Variants in STARD13 observed in about 807,000 individuals in gnomAD.
The protein encoded by STARD13 is stAR-related lipid transfer protein 13.
In STARD13, 62 loss-of-function variants were observed where a neutral mutation model predicts 106.4. The observed-to-expected ratio is 0.58, with a 90% CI of 0.48 to 0.72. The LOEUF (loss-of-function observed/expected upper bound fraction) is 0.72. Among genes scored for constraint, STARD13 ranks in the 30% least tolerant of loss-of-function variants. The probability of loss-of-function intolerance (pLI) is 0.00; values close to 1 mark genes in which losing one functional copy is unlikely to be tolerated. For synonymous variants in STARD13, 565 were observed against 553.0 expected, an observed-to-expected ratio of 1.02 and a Z score of -0.31; for missense variants, 1,387 against 1,424.0, an observed-to-expected ratio of 0.97 and a Z score of 0.42.
the STARD13 span, among the ~76,000 whole-genome samples, chr13:33,499,521 TCTTCTTC>T: frequency 2.0e-4 from 10 of 48,996 alleles, no homozygotes; most frequent in African/African-American, 6.7e-4. Context: ...CTTCTTTCTT[TCTTCTTC>T]TTCTTCTTCT....
the STARD13 span, among the ~76,000 whole-genome samples, chr13:33,378,938 C>T: frequency 4.0e-5 from 6 of 151,764 alleles, no homozygotes; most frequent in African/African-American, 9.7e-5. Context: ...GGTGGAGCCC[C>T]GTCTCTACCA....
chr13:33,610,856 C>G, the STARD13 span: 1 of 152,460 alleles, frequency 6.6e-6, no homozygotes, highest in Non-Finnish European at 1.5e-5. Context: ...GCTCACGTCC[C>G]CTAATCCGCT....
chr13:33,261,387 A>G (rs552647205), intron 1 of STARD13, among the ~76,000 whole-genome samples: 3 of 152,252 alleles, frequency 2.0e-5, no homozygotes, highest in Non-Finnish European at 4.4e-5. Flanking sequence ...GAGAGTAACT[A>G]CAAAAATTCC....
At chr13:33,337,221 C>T (rs190457560) in intron 1 of STARD13, among the ~76,000 whole-genome samples, 73 of 152,242 alleles carry the variant, frequency 4.8e-4, no homozygotes, top group Middle Eastern at 3.4e-3. Context: ...TACTACCTCT[C>T]CTAATTTCCT....
At chr13:33,651,665 A>C in the STARD13 span, among the ~76,000 whole-genome samples, 4 of 152,230 alleles carry the variant, frequency 2.6e-5, no homozygotes, top group Non-Finnish European at 5.9e-5. Flanking sequence ...ATAGCTGTAA[A>C]TTCCTTGGTG....
the STARD13 span, among the ~76,000 whole-genome samples, chr13:33,368,778 G>A: frequency 6.6e-6 from 1 of 152,138 alleles, no homozygotes; most frequent in South Asian, 2.1e-4. Flanking sequence ...ACCCTCCTCC[G>A]AGCAGCACTC....
At chr13:33,430,595 A>G in the STARD13 span, among the ~76,000 whole-genome samples, 2 of 152,232 alleles carry the variant, frequency 1.3e-5, no homozygotes, top group Non-Finnish European at 2.9e-5. Context: ...AAGAATGGAA[A>G]TCAATATGTT....
At chr13:33,522,232 T>G in the STARD13 span, among the ~76,000 whole-genome samples, 19 of 152,032 alleles carry the variant, frequency 1.2e-4, no homozygotes, top group Admixed American at 1.1e-3. Flanking sequence ...TAGAGCAGTT[T>G]TAGGTTCACA....
rs180860114 is a variant in STARD13 at position 33,154,873 on chromosome 13, G to A, written c.323+10464C>T. 3.3e-3 allele frequency among the ~76,000 whole-genome samples: 509 copies of A among 152,272 alleles called. 3 individuals are homozygous for A. The highest frequency in any genetic ancestry group is 0.011 in the African/African-American group (477 of 41,544). On this transcript the variant is annotated intron_variant, in intron 3 of 13. Coordinates refer to ENST00000336934, the MANE Select transcript of STARD13 (RefSeq NM_178006.4). ...TGAAGGCTGAGCAAAGCAGCCGCGC[G>A]GGAACCGGCTGCTCAGGAGCCCACC...
chr13:33,532,864 C>A, the STARD13 span, among the ~76,000 whole-genome samples: 1 of 152,066 alleles, frequency 6.6e-6, no homozygotes, highest in Non-Finnish European at 1.5e-5. Context: ...TATTTCCACA[C>A]AAAACTGGGT....
rs1555262039 is a variant in STARD13 at position 33,321,507 on chromosome 13, G to GGA, written c.124+28782_124+28783insTC. Reference sequence around the variant, plus strand: ...AGCAACAGAGAGACTCCGTCTCAGGGAAAAAAAAAAAAAGGCAATAAATAA... The same window carrying GGA: ...AGCAACAGAGAGACTCCGTCTCAGGGGAAAAAAAAAAAAAAGGCAATAAATAA... On this transcript the variant is annotated intron_variant, in intron 1 of 5. Coordinates refer to the STARD13 transcript ENST00000567873. Among the ~76,000 whole-genome samples the GGA allele has an allele frequency of 5.1e-3, 689 of 133,868 alleles. 5 individuals carry two copies. Among genetic ancestry groups the GGA allele is most frequent in the African/African-American group, 0.018 (648 of 36,696 alleles). The allele number at this position is 133,868 out of a possible 152,430, so 87.8% of individuals were successfully genotyped here.
chr13:33,103,182 C>T lies in STARD13; in HGVS notation c.*2411G>A, dbSNP rs926016067. 1 of 152,322 alleles carries T rather than the reference C, an allele frequency of 6.6e-6. No individual in the cohort carries two copies. The highest frequency in any genetic ancestry group is 2.4e-5 in the African/African-American group (1 of 41,372). 9.4% of individuals were successfully genotyped at this position (152,322 alleles called of 1,614,324 possible). ...ATTTAATATATATAAATTTATTTGC[C>T]TTGGCAATTATTTATTTACAATTGA... On this transcript the variant is annotated 3_prime_UTR_variant, in exon 14 of 14. Coordinates refer to ENST00000336934, the MANE Select transcript of STARD13 (RefSeq NM_178006.4).
the STARD13 span, among the ~76,000 whole-genome samples, chr13:33,632,627 T>C: frequency 2.6e-5 from 4 of 152,202 alleles, no homozygotes; most frequent in Non-Finnish European, 5.9e-5. Context: ...CACAAAATTA[T>C]CACCAAACTT....
intron 1 of STARD13, among the ~76,000 whole-genome samples, chr13:33,322,641 G>A (rs966873768): frequency 1.3e-5 from 2 of 152,188 alleles, no homozygotes; most frequent in African/African-American, 4.8e-5. Flanking sequence ...AGCTGCAGAC[G>A]CATTATTCAG....
chr13:33,327,786 C>G (rs1384242827), intron 1 of STARD13, among the ~76,000 whole-genome samples: 1 of 152,158 alleles, frequency 6.6e-6, no homozygotes, highest in Non-Finnish European at 1.5e-5. Flanking sequence ...TACATTTATG[C>G]ACTTTGAAAA....
chr13:33,393,324 T>A, the STARD13 span, among the ~76,000 whole-genome samples: 2 of 152,012 alleles, frequency 1.3e-5, no homozygotes, highest in East Asian at 3.8e-4. Flanking sequence ...AGATTAAGCA[T>A]TTGGAGATGA....
intron 4 of STARD13, among the ~76,000 whole-genome samples, chr13:33,136,737 G>A (rs1237628285): frequency 6.6e-6 from 1 of 152,202 alleles, no homozygotes; most frequent in Non-Finnish European, 1.5e-5. Context: ...TCCACTGAGA[G>A]CTGCTGTGTC....
chr13:33,519,183 TTGA>T, the STARD13 span, among the ~76,000 whole-genome samples: 1 of 144,410 alleles, frequency 6.9e-6, no homozygotes, highest in Admixed American at 6.9e-5. Flanking sequence ...CCCACTCCTG[TTGA>T]TGATATTTCC....
intron 1 of STARD13, among the ~76,000 whole-genome samples, chr13:33,335,832 G>T (rs142013012): frequency 1.3e-5 from 2 of 152,378 alleles, no homozygotes; most frequent in Non-Finnish European, 2.9e-5. Flanking sequence ...GCAAGGTGCT[G>T]TTTGTGTTAA....
Sources: allele counts gnomAD v4.1 joint callset (sites outside exome capture counted in the v4.1 genomes callset), GRCh38; gene constraint gnomAD v4.1.1; transcripts MANE v1.5; gene names NCBI Gene and HGNC (gene_info 2026-07-23, HGNC 2026-07-21).